The following FGD2 variants were observed in gnomAD, a reference collection of about 807,000 sequenced individuals.
The protein encoded by FGD2 is FYVE, RhoGEF and PH domain-containing protein 2.
In FGD2, 52 loss-of-function variants were observed where a neutral mutation model predicts 75.9. The ratio of observed to expected loss-of-function variants is 0.69; its 90% confidence interval spans 0.55 to 0.86. The LOEUF is 0.86. Among genes scored for constraint, FGD2 ranks in the 40% least tolerant of loss-of-function variants. The pLI is 0.00. For synonymous variants in FGD2, 347 were observed against 348.6 expected (o/e 1.00, Z 0.05); for missense variants, 790 against 872.0 (o/e 0.91, Z 1.18).
chr6:37,022,758 C>G (rs997946679), intron 13 of FGD2: 9 of 199,468 alleles, frequency 4.5e-5, no homozygotes, highest in African/African-American at 1.9e-4. Flanking sequence ...CTCTACCCAC[C>G]CAGCTCAGGT....
intron 8 of FGD2, 145 bp downstream of exon 8, chr6:37,015,183 C>A (rs549555639): frequency 1.7e-6 from 2 of 1,187,038 alleles, no homozygotes; most frequent in South Asian, 1.6e-5. Context: ...GCTTTGGCAC[C>A]CAGATGACTT....
In FGD2 at chr6:37,020,696, A is replaced by C. The variant is rs758421033; in HGVS notation, c.1203-13A>C. On this transcript the variant is annotated splice_polypyrimidine_tract_variant and intron_variant, in intron 10 of 15. Transcript: ENST00000274963. ...GCTGATCTCCTCAACACCTGTGTTC[A>C]CTTTCCGAGCAGGTCCCAGGAGGAA... 1.3e-6 allele frequency: 2 copies of C among 1,575,566 alleles called. No homozygotes were observed. Among genetic ancestry groups the C allele is most frequent in the Admixed American group, 3.7e-5 (2 of 54,420 alleles).
chr6:37,025,240 A>G (rs912481091), intron 13 of FGD2: 4 of 154,524 alleles, frequency 2.6e-5, no homozygotes, highest in Non-Finnish European at 4.3e-5. Context: ...TGACTCCATG[A>G]TGGCGCAGAA....
chr6:37,014,823 C>T (rs995329209), intron 7 of FGD2, 69 bp from the exon 8 acceptor site: 5 of 1,609,374 alleles, frequency 3.1e-6, no homozygotes, highest in Non-Finnish European at 3.4e-6. Flanking sequence ...CCCGTCCCCA[C>T]AAGGCAAGCC....
chr6:37,028,405 G>T lies in FGD2; in HGVS notation c.*242G>T. The stretch of plus-strand genomic sequence containing the variant: ...TGCGGGGAGGGGGCTCCTGGGCCAT[G>T]GGACTTCCAGTGCTAAAACTGGGAA... On this transcript the variant is annotated 3_prime_UTR_variant, in exon 16 of 16. Transcript: ENST00000274963. 1 of 481,862 alleles carries T rather than the reference G, an allele frequency of 2.1e-6. No homozygotes were observed. Among genetic ancestry groups the T allele is most frequent in the African/African-American group, 1.9e-5 (1 of 52,304 alleles). 29.8% of individuals were successfully genotyped at this position (481,862 alleles called of 1,614,324 possible). A position where few individuals can be genotyped will look rare whatever the true frequency, so the allele number is the denominator to read the frequency against.
At position 37,025,925 on chromosome 6, in the gene FGD2, G is replaced by C; in HGVS notation, c.1592G>C (p.Arg531Pro). 1 of 1,614,034 alleles carries C rather than the reference G, an allele frequency of 6.2e-7. No individual in the cohort carries two copies. Among genetic ancestry groups the C allele is most frequent in the Non-Finnish European group, 8.5e-7 (1 of 1,179,994 alleles). The change falls in exon 14 of 16, where the codon CGG (arginine) becomes CCG (proline). Residue 531 changes from arginine (R) to proline (P), a missense_variant. By Grantham distance (103) the Arg-to-Pro change is moderately radical. Transcript: ENST00000274963. ...CCTGAGGCCAAGGAGGACAAGAGGC[G>C]GGGCATCCTGGAGGTGAGGGCCACT... ...VLPEAKEDKR[R>P]GILEKGSSAT...
intron 4 of FGD2, among the ~76,000 whole-genome samples, chr6:37,012,408 TG>T (rs556082687): frequency 2.4e-4 from 36 of 152,162 alleles, no homozygotes; most frequent in African/African-American, 7.7e-4. Flanking sequence ...AATAAACTGT[TG>T]TTTTTTTTTA....
At chr6:37,027,840 G>A (rs1561944975) in intron 15 of FGD2, 108 bp from the exon 16 acceptor site, 1 of 1,271,010 alleles carries the variant, frequency 7.9e-7, no homozygotes, top group Non-Finnish European at 1.1e-6. Context: ...CCAACCCATG[G>A]GGGTTTAGGG....
chr6:37,015,834 A>T lies in FGD2; in HGVS notation c.1096A>T (p.Thr366Ser). 6.3e-7 allele frequency: 1 copy of T among 1,590,436 alleles called. No individual in the cohort carries two copies. Among genetic ancestry groups the T allele is most frequent in the South Asian group, 1.2e-5 (1 of 86,746 alleles). The change falls in exon 9 of 16, where the codon ACC becomes TCC. Residue 366 changes from threonine (T) to serine (S), a missense_variant. Coordinates refer to ENST00000274963, the MANE Select transcript of FGD2 (RefSeq NM_173558.4). ...IQVGAQFQVR[T>S]RIDVAGMKVR... ...GGTGGGCGCCCAGTTCCAGGTGAGG[A>T]CCCGCATCGATGTGGCCGGGATGAA...
At position 37,015,872 on chromosome 6, in the gene FGD2, C is replaced by G; in HGVS notation, c.1122+12C>G. The G allele has an allele frequency of 6.4e-7, 1 of 1,564,766 alleles. No individual in the cohort carries two copies. The highest frequency in any genetic ancestry group is 1.2e-5 in the South Asian group (1 of 84,836). ...TGGCCGGGATGAAGGTAAGAGGCCC[C>G]CTAAACACCACTGGGCTCCACCTCA... On this transcript the variant is annotated intron_variant, in intron 9 of 15. Transcript: ENST00000274963.
At position 37,025,773 on chromosome 6, in the gene FGD2, C is replaced by T. The variant is rs752951290; in HGVS notation, c.1459-19C>T. 1 of 1,614,118 alleles carries T rather than the reference C, an allele frequency of 6.2e-7. No homozygotes were observed. Among genetic ancestry groups the T allele is most frequent in the Non-Finnish European group, 8.5e-7 (1 of 1,179,990 alleles). ...GGTGCCTGGTCTCAGCCCCATGCCC[C>T]CTTATGTGTCCTCCTCAGGTGGTGT... is the stretch of plus-strand genomic sequence containing the variant. On this transcript the variant is annotated intron_variant, in intron 13 of 15. Coordinates refer to ENST00000274963, the MANE Select transcript of FGD2 (RefSeq NM_173558.4).
chr6:37,014,953 A>G lies in FGD2; in HGVS notation c.944A>G (p.Asp315Gly), dbSNP rs950617115. ...CTGGGCCTCGAGGACGACATAGTAGACCCCTCTAACACCCTGCTCCGTGAG... is the reference window on the plus strand; with the variant it reads ...CTGGGCCTCGAGGACGACATAGTAGGCCCCTCTAACACCCTGCTCCGTGAG... ...QRLGLEDDIV[D>G]PSNTLLREGP... The change falls in exon 8 of 16, where the codon GAC becomes GGC. Residue 315 changes from aspartate to glycine, a missense_variant. By Grantham distance (94) the Asp-to-Gly change is moderately conservative. Coordinates refer to ENST00000274963, the MANE Select transcript of FGD2 (RefSeq NM_173558.4). The G allele has an allele frequency of 3.1e-6, 5 of 1,613,682 alleles. No homozygotes were observed. The highest frequency in any genetic ancestry group is 3.3e-5 in the Admixed American group (2 of 59,956).
chr6:37,022,669 C>T (rs1765650052), intron 13 of FGD2: 4 of 326,920 alleles, frequency 1.2e-5, no homozygotes, highest in South Asian at 1.2e-4. Context: ...TCGGCCTCCA[C>T]CTGCCCCACC....
chr6:37,027,753 C>G lies in FGD2; in HGVS notation c.1752+178C>G, dbSNP rs1352954624. ...TAGGTTTCAGAATTGTGCCCTGACT[C>G]TAGGTCACCACTGCTTTGCCCTCAG... On this transcript the variant is annotated intron_variant, in intron 15 of 15. Coordinates refer to ENST00000274963, the MANE Select transcript of FGD2 (RefSeq NM_173558.4). The G allele has an allele frequency of 5.8e-6, 6 of 1,035,626 alleles. No individual in the cohort carries two copies. In the African/African-American group the frequency reaches 9.6e-5, roughly 17 times the overall value. 64.2% of individuals were successfully genotyped at this position (1,035,626 alleles called of 1,614,324 possible). A position where few individuals can be genotyped will look rare whatever the true frequency, so the allele number is the denominator to read the frequency against.
chr6:37,018,876 G>A (rs1311415188), intron 9 of FGD2, among the ~76,000 whole-genome samples: 2 of 152,122 alleles, frequency 1.3e-5, no homozygotes, highest in Non-Finnish European at 2.9e-5. Flanking sequence ...TACTACAAAC[G>A]TACTGTATGG....
intron 13 of FGD2, chr6:37,025,237 A>T (rs377485188): frequency 6.5e-6 from 1 of 154,430 alleles, no homozygotes. Flanking sequence ...ACTTGACTCC[A>T]TGATGGCGCA....
rs1764888650 is a variant in FGD2, at chr6:37,009,092, G to C, written c.300+27G>C. 6 of 1,600,840 alleles carry C rather than the reference G, an allele frequency of 3.7e-6. No individual in the cohort carries two copies. In the Middle Eastern group the frequency reaches 5.2e-4, roughly 139 times the overall value. ...TGCCTGAGGGCTGAGGTAGAGGTGT[G>C]GGGTGCTGGGGTGGGGAGCTCTCCC... On this transcript the variant is annotated intron_variant, in intron 2 of 15. Coordinates refer to ENST00000274963, the MANE Select transcript of FGD2 (RefSeq NM_173558.4).
At chr6:37,021,634 G>A in intron 12 of FGD2, 30 bp downstream of exon 12, 1 of 1,589,576 alleles carries the variant, frequency 6.3e-7, no homozygotes. Flanking sequence ...TCCCTTGCTG[G>A]AGCCACCAAC....
At chr6:37,025,690 C>T (rs917572170) in intron 13 of FGD2, 102 bp from the exon 14 acceptor site, 1 of 1,242,632 alleles carries the variant, frequency 8.0e-7, no homozygotes, top group Non-Finnish European at 1.2e-6. Flanking sequence ...TTTCCTCCCC[C>T]AGTCCCTGGT....
Sources: allele counts gnomAD v4.1 joint callset (sites outside exome capture counted in the v4.1 genomes callset), GRCh38; gene constraint gnomAD v4.1.1; transcripts MANE v1.5; gene names NCBI Gene and HGNC (gene_info 2026-07-23, HGNC 2026-07-21).